The following SLC9B2 variants were observed in gnomAD, a reference collection of about 807,000 sequenced individuals.
The protein encoded by SLC9B2 is solute carrier family 9 member B2, also known as sodium/hydrogen exchanger 9B2.
SLC9B2 carries 39 observed loss-of-function variants against 52.2 expected under a neutral mutation model. The ratio of observed to expected loss-of-function variants is 0.75; its 90% CI spans 0.58 to 0.98. The LOEUF is 0.98. Among genes scored for constraint, SLC9B2 ranks in the 50% least tolerant of loss-of-function variants. The probability of loss-of-function intolerance (pLI) is 0.00; values close to 1 mark genes in which losing one functional copy is unlikely to be tolerated. For synonymous variants in SLC9B2, 214 were observed against 227.0 expected (o/e 0.94, Z 0.51); for missense variants, 626 against 637.5 (o/e 0.98, Z 0.19).
At chr4:103,031,011 ATT>A (rs11286087) in intron 10 of SLC9B2, among the ~76,000 whole-genome samples, 1 of 151,448 alleles carries the variant, frequency 6.6e-6, no homozygotes, top group Non-Finnish European at 1.5e-5. Flanking sequence ...GAAGAGAAGC[ATT>A]TTTTTTTAAG....
At chr4:103,018,035 C>T (rs1009446865), downstream of SLC9B2, among the ~76,000 whole-genome samples, 2 of 152,102 alleles carry the variant, frequency 1.3e-5, no homozygotes, top group Non-Finnish European at 2.9e-5. Flanking sequence ...TCCATTCATT[C>T]CCTCAAAAAA....
In SLC9B2 at chr4:103,066,494, A is replaced by G. The variant is rs1216550337; in HGVS notation, c.104T>C (p.Met35Thr). Residue 35 changes from methionine (M) to threonine (T), a missense_variant, in exon 3 of 12, where the codon ATG becomes ACG. Coordinates refer to ENST00000394785, the MANE Select transcript of SLC9B2 (RefSeq NM_178833.7). The part of the protein sequence containing the change: ...MHQEAQEETV[M>T]KLKGIDANEP... The stretch of plus-strand genomic sequence containing the variant: ...ATTTGCATCTATACCTTTGAGCTTC[A>G]TAACTGTCTCCTCCTGTGTTTAAAG... The G allele has an allele frequency of 6.8e-6, 11 of 1,613,440 alleles. No individual in the cohort carries two copies. The highest frequency in any genetic ancestry group is 1.6e-4 in the Middle Eastern group (1 of 6,082).
downstream of SLC9B2, among the ~76,000 whole-genome samples, chr4:103,021,352 T>C (rs1189652567): frequency 6.6e-6 from 1 of 151,990 alleles, no homozygotes; most frequent in Non-Finnish European, 1.5e-5. Context: ...TATTACGTAC[T>C]CCCCAAATGC....
chr4:103,050,782 AT>A (rs1000969730), intron 4 of SLC9B2, among the ~76,000 whole-genome samples: 3 of 152,186 alleles, frequency 2.0e-5, no homozygotes, highest in Admixed American at 1.3e-4. Flanking sequence ...ACTTATATGG[AT>A]TCTATTTTAC....
intron 9 of SLC9B2, 79 bp downstream of exon 9, chr4:103,043,217 T>A: frequency 7.4e-7 from 1 of 1,355,550 alleles, no homozygotes; most frequent in Non-Finnish European, 9.9e-7. Context: ...ATTAATTTGA[T>A]GCTAAGAAAG....
intron 3 of SLC9B2, among the ~76,000 whole-genome samples, chr4:103,060,199 C>T (rs888718115): frequency 1.1e-4 from 16 of 151,692 alleles, no homozygotes; most frequent in Non-Finnish European, 2.4e-4. Context: ...TTCTCTTTTT[C>T]CATGTTGCTA....
intron 8 of SLC9B2, 85 bp from the exon 9 acceptor site, chr4:103,043,530 A>G: frequency 9.6e-6 from 12 of 1,245,622 alleles, no homozygotes; most frequent in Non-Finnish European, 1.2e-5. Context: ...AGGATTTAGA[A>G]AGAAAATAAA....
At chr4:103,045,112 T>G in intron 7 of SLC9B2, 116 bp from the exon 8 acceptor site, 2 of 672,822 alleles carry the variant, frequency 3.0e-6, no homozygotes, top group South Asian at 4.5e-5. Flanking sequence ...TAAAGACAGT[T>G]TCTGCTTTCC....
chr4:103,028,713 C>T, intron 11 of SLC9B2, 34 bp downstream of exon 11: 1 of 1,572,344 alleles, frequency 6.4e-7, no homozygotes, highest in Non-Finnish European at 8.6e-7. Flanking sequence ...GCAGAAATAG[C>T]AGTTAAAATG....
At chr4:103,066,603 G>T in intron 2 of SLC9B2, 96 bp from the exon 3 acceptor site, 2 of 1,177,984 alleles carry the variant, frequency 1.7e-6, no homozygotes, top group Non-Finnish European at 1.2e-6. Flanking sequence ...AAATTTCTAT[G>T]ACTAGCATCA....
At position 103,062,483 on chromosome 4, in the gene SLC9B2, T is replaced by C. The variant is rs140268714; in HGVS notation, c.271+3844A>G. On this transcript the variant is annotated intron_variant, in intron 3 of 11. Coordinates refer to ENST00000394785, the MANE Select transcript of SLC9B2 (RefSeq NM_178833.7). ...TAAAAAAATCTCTCTTTCCCTGTGC[T>C]TTACTTGAAACACAGTTGTAAATAC... 2.3e-3 allele frequency among the ~76,000 whole-genome samples: 344 copies of C among 152,290 alleles called. 12 individuals are homozygous for C. The East Asian group carries it at 0.052, about 23-fold the overall frequency.
rs191495269 is a variant in SLC9B2 at position 103,026,581 on chromosome 4, C to A, written c.1403G>T (p.Gly468Val). 1.4e-5 allele frequency: 22 copies of A among 1,609,698 alleles called. No homozygotes were observed. The highest frequency in any genetic ancestry group is 2.2e-5 in the South Asian group (2 of 90,368). ...LPKATVQAAIGSVALDTARSH... is the reference protein window; with the variant it reads ...LPKATVQAAIVSVALDTARSH... The stretch of plus-strand genomic sequence containing the variant: ...CCTTGCTGTGTCCAAAGCCACAGAT[C>A]CTATTGCAGCCTATAAAAGTTTAAG... Residue 468 changes from glycine to valine, a missense_variant, in exon 12 of 12, where the codon GGA becomes GTA. By Grantham distance (109) the Gly-to-Val change is moderately radical. Transcript: ENST00000394785.
intron 3 of SLC9B2, among the ~76,000 whole-genome samples, chr4:103,062,189 G>A (rs969344501): frequency 4.6e-5 from 7 of 152,200 alleles, no homozygotes; most frequent in South Asian, 2.1e-4. Flanking sequence ...GGGAGACGCC[G>A]AGGCAGGCGG....
At chr4:103,045,560 A>G (rs1410144515) in intron 7 of SLC9B2, among the ~76,000 whole-genome samples, 1 of 149,294 alleles carries the variant, frequency 6.7e-6, no homozygotes, top group Non-Finnish European at 1.5e-5. Context: ...TAAAAATCTG[A>G]TTCAGTAAGT....
chr4:103,032,363 G>A (rs148532112), intron 9 of SLC9B2, among the ~76,000 whole-genome samples: 31 of 151,944 alleles, frequency 2.0e-4, no homozygotes, highest in Middle Eastern at 3.4e-3. Context: ...CTCAAATCAC[G>A]CACAAAAATA....
intron 4 of SLC9B2, among the ~76,000 whole-genome samples, chr4:103,056,167 G>A (rs1307011862): frequency 5.3e-5 from 8 of 152,178 alleles, no homozygotes; most frequent in Admixed American, 5.2e-4. Context: ...ACTAATTTGT[G>A]TATGTGTCTT....
intron 3 of SLC9B2, among the ~76,000 whole-genome samples, 176 bp downstream of exon 3, chr4:103,066,151 C>T (rs1746101651): frequency 6.6e-6 from 1 of 152,200 alleles, no homozygotes; most frequent in Non-Finnish European, 1.5e-5. Flanking sequence ...CCCTGTTAGT[C>T]TAGGTCCTTC....
intron 1 of SLC9B2, among the ~76,000 whole-genome samples, chr4:103,072,056 G>GTTTTTTTTTTTTTT (rs779979130): frequency 0.013 from 1,258 of 95,250 alleles, 188 homozygotes; most frequent in African/African-American, 0.029. Flanking sequence ...TGGCTTTCAT[G>GTTTTTTTTTTTTTT]TTTTTTTTTT....
chr4:103,039,109 A>T (rs1418380351), intron 9 of SLC9B2, among the ~76,000 whole-genome samples: 1 of 152,236 alleles, frequency 6.6e-6, no homozygotes, highest in Non-Finnish European at 1.5e-5. Flanking sequence ...TAGAGTTGAG[A>T]AAACTGAGTA....
Sources: gnomAD v4.1 joint callset for allele counts (sites outside exome capture counted in the v4.1 genomes callset) on GRCh38, gnomAD v4.1.1 for gene constraint, MANE v1.5 for transcripts, NCBI Gene and HGNC (gene_info 2026-07-23, HGNC 2026-07-21) for gene names.